ARAP2: variants seen among roughly 807,000 people sequenced by gnomAD.
ARAP2 encodes the protein arf-GAP with Rho-GAP domain, ANK repeat and PH domain-containing protein 2.
A neutral mutation model predicts 194.5 loss-of-function variants in ARAP2; 148 were observed. The observed-to-expected ratio is 0.76, with a 90% CI of 0.67 to 0.87. The LOEUF is 0.87. ARAP2 is among the 40% of genes least tolerant of loss of function. ARAP2 has a pLI of 0.00. For missense variants in ARAP2, 2,128 were observed against 1,989.7 expected (o/e 1.07, Z -1.32); for synonymous variants, 695 against 683.5 (o/e 1.02, Z -0.26).
intron 19 of ARAP2, among the ~76,000 whole-genome samples, chr4:36,144,103 C>A (rs564363577): frequency 1.3e-5 from 2 of 151,828 alleles, no homozygotes; most frequent in South Asian, 4.1e-4. Context: ...TCATTCTAAT[C>A]CATGTTTGCT....
In ARAP2 at chr4:36,210,382, G is replaced by A. The variant is rs749224199; in HGVS notation, c.1487+8C>T. The A allele has an allele frequency of 1.3e-5, 21 of 1,595,806 alleles. No individual in the cohort carries two copies. Among genetic ancestry groups the A allele is most frequent in the Admixed American group, 3.5e-5 (2 of 56,672 alleles). ...TGCCACTTATGAAATAAATGCATAC[G>A]TACATACCCTTGAGGAGAGAGTTTA... On this transcript the variant is annotated splice_region_variant and intron_variant, in intron 6 of 32. Transcript: ENST00000303965.
At chr4:36,057,794 CCTT>C (rs1335293349) in intron 2 of ARAP2, among the ~76,000 whole-genome samples, 19 of 151,134 alleles carry the variant, frequency 1.3e-4, no homozygotes, top group South Asian at 2.1e-4. Context: ...GTTATTTAGT[CCTT>C]CTTTGGTAAT....
intron 6 of ARAP2, 96 bp downstream of exon 6, chr4:36,210,294 G>A (rs1473659957): frequency 6.3e-6 from 7 of 1,112,186 alleles, no homozygotes; most frequent in Middle Eastern, 4.5e-4. Context: ...GTGTGTGGCG[G>A]TGGAGTGGGG....
Position 36,212,485 on chromosome 4 carries a change from C to T in ARAP2, c.1044G>A (p.Lys348=). The change falls in exon 5 of 33, where the codon AAG becomes AAA. Residue 348 remains lysine, a splice_region_variant and synonymous_variant. Coordinates refer to ENST00000303965, the MANE Select transcript of ARAP2 (RefSeq NM_015230.4). ...FLFQRLENSK[K]RSIKNEFLTQ... ...TCAAAAATTCATTCTTTATAGATCG[C>T]TTCTATTAAAAAAGCAAACAAACAA... 6.2e-7 allele frequency: 1 copy of T among 1,609,526 alleles called. No individual in the cohort carries two copies. Among genetic ancestry groups the T allele is most frequent in the Non-Finnish European group, 8.5e-7 (1 of 1,177,092 alleles).
At chr4:36,203,281 A>G (rs1744823508) in intron 6 of ARAP2, among the ~76,000 whole-genome samples, 1 of 152,096 alleles carries the variant, frequency 6.6e-6, no homozygotes, top group African/African-American at 2.4e-5. Context: ...TTCCCACATG[A>G]GCCACCCAAA....
At chr4:36,033,395 G>C (rs1719329876) in intron 5 of ARAP2, among the ~76,000 whole-genome samples, 1 of 152,076 alleles carries the variant, frequency 6.6e-6, no homozygotes, top group African/African-American at 2.4e-5. Context: ...TTTCTCTAAT[G>C]ATCAGTGATG....
intron 19 of ARAP2, among the ~76,000 whole-genome samples, chr4:36,146,987 T>C (rs1456744962): frequency 6.6e-6 from 1 of 152,076 alleles, no homozygotes; most frequent in Non-Finnish European, 1.5e-5. Context: ...ACAATGAAGA[T>C]ATATTTATAA....
Position 36,229,372 on chromosome 4 carries a change from C to T in ARAP2, c.115G>A (p.Ala39Thr), listed in dbSNP as rs746087507. 1.9e-6 allele frequency: 3 copies of T among 1,614,068 alleles called. No individual in the cohort carries two copies. In the East Asian group the frequency reaches 6.7e-5, roughly 36 times the overall value. The change falls in exon 2 of 33, where the codon GCA becomes ACA. Residue 39 changes from alanine to threonine, a missense_variant. Ala to Thr is a moderately conservative substitution (Grantham distance 58, BLOSUM62 0). Coordinates refer to ENST00000303965, the MANE Select transcript of ARAP2 (RefSeq NM_015230.4). ...TGCAGCAGGCTGTCATTTATTGCTG[C>T]ACAGTCCTTCACAGTAGTAAAACCA... ...ESGFTTVKDCAAINDSLLQKI... is the reference protein window; with the variant it reads ...ESGFTTVKDCTAINDSLLQKI...
intron 6 of ARAP2, among the ~76,000 whole-genome samples, chr4:36,202,931 A>T (rs1744713538): frequency 6.6e-6 from 1 of 152,254 alleles, no homozygotes; most frequent in South Asian, 2.1e-4. Flanking sequence ...AATTAAGAGA[A>T]AAACACATTT....
chr4:36,122,572 C>T (rs1456717710), intron 22 of ARAP2, among the ~76,000 whole-genome samples: 1 of 151,540 alleles, frequency 6.6e-6, no homozygotes, highest in East Asian at 1.9e-4. Context: ...GATGAGAATA[C>T]ATAGCAAACA....
chr4:36,119,592 T>G (rs1205661801), intron 24 of ARAP2, 58 bp downstream of exon 24: 2 of 1,260,224 alleles, frequency 1.6e-6, no homozygotes, highest in Non-Finnish European at 2.3e-6. Flanking sequence ...ATGTCTTTAC[T>G]TACAATGGAA....
chr4:36,117,187 C>A, intron 24 of ARAP2, 52 bp from the exon 25 acceptor site: 1 of 1,343,234 alleles, frequency 7.4e-7, no homozygotes, highest in Non-Finnish European at 1.0e-6. Flanking sequence ...TGTAAAAACA[C>A]ATATTTGAAA....
At chr4:36,162,741 G>A (rs894073939) in intron 11 of ARAP2, among the ~76,000 whole-genome samples, 1 of 152,016 alleles carries the variant, frequency 6.6e-6, no homozygotes, top group African/African-American at 2.4e-5. Flanking sequence ...TTAAAAGCCT[G>A]TAGGAAGAGA....
intron 24 of ARAP2, among the ~76,000 whole-genome samples, chr4:36,118,495 C>T (rs889914168): frequency 2.0e-5 from 3 of 150,940 alleles, no homozygotes; most frequent in Non-Finnish European, 4.4e-5. Context: ...TTATCTTTTC[C>T]AAATACTATT....
At chr4:36,088,681 T>C (rs6531409) in intron 28 of ARAP2, among the ~76,000 whole-genome samples, 143,849 of 152,142 alleles carry the variant, frequency 0.95, 68,065 homozygotes, top group African/African-American at 0.98. Context: ...TACAATGCTA[T>C]TATGATTTAT....
At chr4:36,197,263 AT>A (rs1743317916) in intron 6 of ARAP2, among the ~76,000 whole-genome samples, 1 of 152,132 alleles carries the variant, frequency 6.6e-6, no homozygotes, top group Non-Finnish European at 1.5e-5. Flanking sequence ...TACAGAATCC[AT>A]TTCTGTTTCG....
chr4:36,117,564 G>A (rs1196087639), intron 24 of ARAP2, among the ~76,000 whole-genome samples: 2 of 151,590 alleles, frequency 1.3e-5, no homozygotes, highest in Non-Finnish European at 3.0e-5. Context: ...ATGTGTGCAT[G>A]ATACCAATAT....
rs947472819 is a variant in ARAP2, at chr4:36,165,103, C to T, written c.1984G>A (p.Glu662Lys). Residue 662 changes from glutamate to lysine, a missense_variant, in exon 11 of 33, where the codon GAG becomes AAG. Transcript: ENST00000303965. ...TPYRSFSFTA[E>K]TEKEKQDWIE... ...CAGTCTTGTTTCTCCTTTTCAGTCT[C>T]GGCTGTAAAGCTGAAACAATTAACG... 4 of 1,613,852 alleles carry T rather than the reference C, an allele frequency of 2.5e-6. No individual in the cohort carries two copies. The highest frequency in any genetic ancestry group is 2.2e-5 in the East Asian group (1 of 44,882).
Position 36,091,967 on chromosome 4 carries a change from GTTC to G in ARAP2, c.4336_4338del (p.Glu1446del), listed in dbSNP as rs775660152. On this transcript the variant is annotated inframe_deletion, in exon 28 of 33. Transcript: ENST00000303965. ...TTATTTCCAGATAGTATTTTGGATG[GTTC>G]TTCTTTGATTTTCAAGATTCCTTCT... The G allele has an allele frequency of 3.7e-6, 6 of 1,606,214 alleles. No homozygotes were observed. In the East Asian group the frequency reaches 6.7e-5, roughly 18 times the overall value.
Sources: allele counts gnomAD v4.1 joint callset (sites outside exome capture counted in the v4.1 genomes callset), GRCh38; gene constraint gnomAD v4.1.1; transcripts MANE v1.5; gene names NCBI Gene and HGNC (gene_info 2026-07-23, HGNC 2026-07-21).